The following DCDC1 variants were observed in gnomAD, a reference collection of about 807,000 sequenced individuals.
DCDC1 encodes doublecortin domain containing 1.
In DCDC1, 200 loss-of-function variants were observed where a neutral mutation model predicts 178.3. The ratio of observed to expected loss-of-function variants is 1.12; its 90% confidence interval spans 1.00 to 1.26. The LOEUF is 1.26. DCDC1 is among the 50% of genes most tolerant of loss of function. DCDC1 has a pLI of 0.00. For missense variants in DCDC1, 1,983 were observed against 1,749.2 expected, an observed-to-expected ratio of 1.13 and a Z score of -2.38; for synonymous variants, 690 against 604.8, an observed-to-expected ratio of 1.14 and a Z score of -2.07.
intron 1 of DCDC1, among the ~76,000 whole-genome samples, chr11:31,357,596 C>G (rs374977668): frequency 4.1e-4 from 62 of 151,882 alleles, no homozygotes; most frequent in African/African-American, 9.4e-4. Context: ...AGGGCAATTA[C>G]GCAGGAGAAG....
chr11:31,335,888 G>A (rs1240382593), intron 1 of DCDC1, among the ~76,000 whole-genome samples: 1 of 152,024 alleles, frequency 6.6e-6, no homozygotes, highest in Non-Finnish European at 1.5e-5. Flanking sequence ...AAGATTATAT[G>A]GCAGGCCTAA....
chr11:31,269,489 C>A (rs1945400879), intron 7 of DCDC1, among the ~76,000 whole-genome samples: 1 of 151,678 alleles, frequency 6.6e-6, no homozygotes, highest in African/African-American at 2.4e-5. Context: ...CTCAGGCAAT[C>A]CTACTAGGTC....
chr11:31,181,710 A>C (rs1313649722), intron 9 of DCDC1, among the ~76,000 whole-genome samples: 1 of 152,180 alleles, frequency 6.6e-6, no homozygotes, highest in Non-Finnish European at 1.5e-5. Context: ...AGCCCACCCT[A>C]AGGTCACCAG....
rs1942375476 is a variant in DCDC1, at chr11:30,878,729, AAAAG to A, written c.5234-22_5234-19del. 6.4e-7 allele frequency: 1 copy of A among 1,558,910 alleles called. No homozygotes were observed. The highest frequency in any genetic ancestry group is 8.6e-7 in the Non-Finnish European group (1 of 1,161,498). On this transcript the variant is annotated intron_variant, in intron 37 of 38. Coordinates refer to ENST00000684477, the MANE Select transcript of DCDC1 (RefSeq NM_001387274.1). ...TTTTAACTCTGTTAAAAAAAAAAAA[AAAAG>A]AAGTTGAGAGACAAGTCAATGTTAT...
intron 9 of DCDC1, among the ~76,000 whole-genome samples, chr11:31,180,662 C>T (rs1354317912): frequency 6.6e-6 from 1 of 152,160 alleles, no homozygotes; most frequent in African/African-American, 2.4e-5. Flanking sequence ...GAATGGTGCA[C>T]TCCAGCCCAG....
chr11:31,216,710 A>C, intron 9 of DCDC1, among the ~76,000 whole-genome samples: 1 of 152,174 alleles, frequency 6.6e-6, no homozygotes, highest in East Asian at 1.9e-4. Flanking sequence ...ATAAGCCCAG[A>C]CAGTACTAGT....
chr11:31,255,264 T>C (rs534088311), intron 8 of DCDC1, among the ~76,000 whole-genome samples: 1 of 152,340 alleles, frequency 6.6e-6, no homozygotes, highest in East Asian at 1.9e-4. Flanking sequence ...AACATGCATG[T>C]ACATATACTT....
intron 18 of DCDC1, among the ~76,000 whole-genome samples, chr11:31,076,578 C>T (rs146863077): frequency 0.016 from 2,459 of 152,174 alleles, 39 homozygotes; most frequent in Non-Finnish European, 0.024. Context: ...AACTCCTGGG[C>T]TCAAGCAATC....
intron 8 of DCDC1, among the ~76,000 whole-genome samples, chr11:31,254,204 A>G (rs1345858341): frequency 6.6e-6 from 1 of 152,170 alleles, no homozygotes; most frequent in African/African-American, 2.4e-5. Context: ...AATAGCATAA[A>G]GAAGGGTAAG....
intron 31 of DCDC1, 139 bp downstream of exon 31, chr11:30,904,822 G>C: frequency 1.1e-6 from 1 of 930,606 alleles, no homozygotes; most frequent in Non-Finnish European, 1.6e-6. Flanking sequence ...AGTAAACAGA[G>C]ATCTTCATCT....
At chr11:30,898,947 T>C (rs1484596691) in intron 34 of DCDC1, among the ~76,000 whole-genome samples, 1 of 152,106 alleles carries the variant, frequency 6.6e-6, no homozygotes, top group Non-Finnish European at 1.5e-5. Context: ...CTGGGAATAG[T>C]ATAGGGTCAG....
intron 3 of DCDC1, 36 bp from the exon 4 acceptor site, chr11:31,307,944 T>C: frequency 6.2e-7 from 1 of 1,608,166 alleles, no homozygotes; most frequent in Non-Finnish European, 8.5e-7. Flanking sequence ...TACAATTAAT[T>C]GATTTGTAAT....
At chr11:31,252,747 C>T (rs1342420075) in intron 8 of DCDC1, among the ~76,000 whole-genome samples, 1 of 151,980 alleles carries the variant, frequency 6.6e-6, no homozygotes, top group Non-Finnish European at 1.5e-5. Context: ...AAGGCAATCA[C>T]AGACTAGGAA....
chr11:30,994,021 C>T (rs1431439775), intron 20 of DCDC1, among the ~76,000 whole-genome samples: 1 of 152,086 alleles, frequency 6.6e-6, no homozygotes, highest in Admixed American at 6.6e-5. Flanking sequence ...GATCAATATT[C>T]CTCATGGACA....
rs555509640 is a variant in DCDC1, at chr11:31,163,779, T to C, written c.1222-25995A>G. On this transcript the variant is annotated intron_variant, in intron 9 of 38. Coordinates refer to ENST00000684477, the MANE Select transcript of DCDC1 (RefSeq NM_001387274.1). ...AGAAATATGCTTAGAAATTCTCATC[T>C]GGACACTTTCAGGAACGTTAAAACA... Among the ~76,000 whole-genome samples the C allele has an allele frequency of 1.7e-3, 255 of 152,324 alleles. 4 individuals carry two copies. The highest frequency in any genetic ancestry group is 6.0e-4 in the Non-Finnish European group (41 of 68,018).
At chr11:31,075,922 C>T (rs562924719) in intron 18 of DCDC1, among the ~76,000 whole-genome samples, 6 of 152,254 alleles carry the variant, frequency 3.9e-5, no homozygotes, top group Non-Finnish European at 7.4e-5. Flanking sequence ...TGCAATGGTG[C>T]GATCTTGACT....
chr11:30,954,052 C>T (rs908883707), intron 20 of DCDC1, among the ~76,000 whole-genome samples: 6 of 143,630 alleles, frequency 4.2e-5, no homozygotes. Flanking sequence ...CGCTCTGTCG[C>T]CCAGGCTGGA....
rs150075900 is a variant in DCDC1, at chr11:31,122,544, T to C, written c.1485+4925A>G. Among the ~76,000 whole-genome samples the C allele has an allele frequency of 7.8e-3, 1,191 of 152,234 alleles. 7 individuals are homozygous for C. The highest frequency in any genetic ancestry group is 0.014 in the Non-Finnish European group (947 of 67,984). On this transcript the variant is annotated intron_variant, in intron 11 of 38. Coordinates refer to ENST00000684477, the MANE Select transcript of DCDC1 (RefSeq NM_001387274.1). The stretch of plus-strand genomic sequence containing the variant: ...ATAACATATAATTTGCAAATAATAA[T>C]AAAATATCTAATACTTTTTATTGTA...
intron 11 of DCDC1, among the ~76,000 whole-genome samples, chr11:31,125,052 C>CA (rs1961399872): frequency 6.6e-6 from 1 of 151,860 alleles, no homozygotes; most frequent in South Asian, 2.1e-4. Context: ...CTAATATCCA[C>CA]AATTTACATG....
Sources: allele counts gnomAD v4.1 joint callset (sites outside exome capture counted in the v4.1 genomes callset), GRCh38; gene constraint gnomAD v4.1.1; transcripts MANE v1.5; gene names NCBI Gene and HGNC (gene_info 2026-07-23, HGNC 2026-07-21).